Variants in SAMD5 observed in about 807,000 individuals in gnomAD.
The protein encoded by SAMD5 is sterile alpha motif domain-containing protein 5.
Under a neutral mutation model 11.3 loss-of-function variants are expected in SAMD5, and 13 were observed. The observed-to-expected ratio is 1.15, with a 90% confidence interval of 0.75 to 1.83. The LOEUF (loss-of-function observed/expected upper bound fraction) is 1.83, where lower values mean the gene tolerates loss of function less well. Among genes scored for constraint, SAMD5 ranks in the 40% most tolerant of loss-of-function variants. The probability of loss-of-function intolerance (pLI) is 0.00; values close to 1 mark genes in which losing one functional copy is unlikely to be tolerated. For missense variants in SAMD5, 255 were observed against 239.1 expected (o/e 1.07, Z -0.44); for synonymous variants, 129 against 111.3 (o/e 1.16, Z -1.00).
the SAMD5 span, among the ~76,000 whole-genome samples, chr6:147,816,280 CCA>C: frequency 4.9e-3 from 62 of 12,644 alleles, 10 homozygotes; most frequent in South Asian, 9.3e-3. Context: ...AACTCCGTCT[CCA>C]AAAAAAAAAA....
At chr6:147,919,929 CTTATT>C in the SAMD5 span, among the ~76,000 whole-genome samples, 1 of 152,188 alleles carries the variant, frequency 6.6e-6, no homozygotes, top group Admixed American at 6.5e-5. Context: ...CTGTCCAGTG[CTTATT>C]TTAGTATTAT....
At chr6:147,918,294 G>T in the SAMD5 span, among the ~76,000 whole-genome samples, 5 of 152,124 alleles carry the variant, frequency 3.3e-5, no homozygotes, top group African/African-American at 9.7e-5. Context: ...TTGTAAGCTG[G>T]ATTCCTAGGT....
At chr6:147,574,108 A>T (rs368600001), downstream of SAMD5, among the ~76,000 whole-genome samples, 1 of 151,050 alleles carries the variant, frequency 6.6e-6, no homozygotes, top group Non-Finnish European at 1.5e-5. Context: ...AGCCTGGGCG[A>T]TAGAGCGAGA....
At chr6:147,529,039 T>C (rs150243576) in intron 1 of SAMD5, among the ~76,000 whole-genome samples, 178 of 152,316 alleles carry the variant, frequency 1.2e-3, no homozygotes, top group African/African-American at 4.0e-3. Flanking sequence ...TAACAGTGTT[T>C]CCTCCTGCCT....
chr6:147,567,634 C>A lies in SAMD5; in HGVS notation c.*3178C>A. 1.0e-6 allele frequency: 1 copy of A among 984,634 alleles called. No homozygotes were observed. The highest frequency in any genetic ancestry group is 1.2e-6 in the Non-Finnish European group (1 of 829,222). 61.0% of individuals were successfully genotyped at this position (984,634 alleles called of 1,614,324 possible). ...CTCAGTGCTAGGCATGTAGCAGGTGCTGACTGCCTCTCTCCCTTCCCTTCT... is the reference window on the plus strand; with the variant it reads ...CTCAGTGCTAGGCATGTAGCAGGTGATGACTGCCTCTCTCCCTTCCCTTCT... On this transcript the variant is annotated 3_prime_UTR_variant, in exon 2 of 2. Coordinates refer to ENST00000367474, the MANE Select transcript of SAMD5 (RefSeq NM_001030060.3).
chr6:147,822,433 A>G, the SAMD5 span, among the ~76,000 whole-genome samples: 1 of 152,210 alleles, frequency 6.6e-6, no homozygotes, highest in South Asian at 2.1e-4. Context: ...ATTAAAAAAT[A>G]CCATATGTGG....
At chr6:147,658,748 T>G (rs1790605215) in intron 1 of SAMD5, among the ~76,000 whole-genome samples, 1 of 152,028 alleles carries the variant, frequency 6.6e-6, no homozygotes, top group Non-Finnish European at 1.5e-5. Context: ...GGGCTAAACA[T>G]GAATGGGGAT....
the SAMD5 span, among the ~76,000 whole-genome samples, chr6:147,855,673 C>G: frequency 6.6e-6 from 1 of 151,320 alleles, no homozygotes; most frequent in East Asian, 1.9e-4. Flanking sequence ...TAAGTTTGGA[C>G]CAAAAAAATA....
chr6:147,520,766 A>AT, intron 1 of SAMD5, among the ~76,000 whole-genome samples: 1 of 152,108 alleles, frequency 6.6e-6, no homozygotes, highest in East Asian at 1.9e-4. Flanking sequence ...AAGTGTATAT[A>AT]TTTTTGGTGT....
chr6:147,628,329 T>G (rs1790088711), intron 1 of SAMD5, among the ~76,000 whole-genome samples: 1 of 152,232 alleles, frequency 6.6e-6, no homozygotes. Context: ...AAGATAATTT[T>G]TTAATTTCTA....
intron 1 of SAMD5, among the ~76,000 whole-genome samples, chr6:147,718,997 T>C (rs1187971697): frequency 1.3e-5 from 2 of 152,182 alleles, no homozygotes; most frequent in African/African-American, 4.8e-5. Context: ...GGCCGAAGTG[T>C]CTCTTTTAAC....
the SAMD5 span, among the ~76,000 whole-genome samples, chr6:147,892,278 A>G: frequency 6.6e-6 from 1 of 152,192 alleles, no homozygotes; most frequent in East Asian, 1.9e-4. Context: ...TTTCACAGCT[A>G]TACCTCCTTC....
chr6:147,802,829 C>G, the SAMD5 span, among the ~76,000 whole-genome samples: 3 of 152,196 alleles, frequency 2.0e-5, no homozygotes, highest in Non-Finnish European at 4.4e-5. Context: ...CAAAGTTCTA[C>G]AGTGAGCAAT....
intron 1 of SAMD5, among the ~76,000 whole-genome samples, chr6:147,626,524 C>T (rs968988506): frequency 2.9e-4 from 44 of 151,674 alleles, no homozygotes; most frequent in Admixed American, 1.7e-3. Context: ...GATTTTTATG[C>T]CATTTAGATC....
chr6:147,667,072 A>G (rs747593101), intron 1 of SAMD5, among the ~76,000 whole-genome samples: 1 of 152,066 alleles, frequency 6.6e-6, no homozygotes, highest in African/African-American at 2.4e-5. Context: ...CCTGCTCTCC[A>G]TGAGCTGCAC....
chr6:147,783,131 A>G, the SAMD5 span, among the ~76,000 whole-genome samples: 1 of 152,206 alleles, frequency 6.6e-6, no homozygotes, highest in East Asian at 1.9e-4. Context: ...TTAAAACAAT[A>G]AGCATAGCAG....
the SAMD5 span, among the ~76,000 whole-genome samples, chr6:147,750,877 G>A: frequency 4.6e-5 from 7 of 152,150 alleles, no homozygotes; most frequent in African/African-American, 7.2e-5. Flanking sequence ...AGCTGAGATC[G>A]GGCCACTGCA....
chr6:147,886,982 G>A, the SAMD5 span, among the ~76,000 whole-genome samples: 3 of 152,162 alleles, frequency 2.0e-5, no homozygotes, highest in African/African-American at 7.2e-5. Flanking sequence ...CATCTTGATT[G>A]CAGCTAGTGG....
rs142329926 is a variant in SAMD5 at position 147,613,024 on chromosome 6, C to A, written c.162+103637C>A. ...GACCAGCCTTGCTAATATGGTGAAACCCTGTCTCTATTAAAAATACAAAAA... is the reference window on the plus strand; with the variant it reads ...GACCAGCCTTGCTAATATGGTGAAAACCTGTCTCTATTAAAAATACAAAAA... On this transcript the variant is annotated intron_variant, in intron 1 of 1. Transcript: ENST00000566741. 2.7e-3 allele frequency among the ~76,000 whole-genome samples: 406 copies of A among 152,160 alleles called. 4 individuals are homozygous for A. The highest frequency in any genetic ancestry group is 9.3e-3 in the African/African-American group (385 of 41,498).
Sources: allele counts gnomAD v4.1 joint callset (sites outside exome capture counted in the v4.1 genomes callset), GRCh38; gene constraint gnomAD v4.1.1; transcripts MANE v1.5; gene names NCBI Gene and HGNC (gene_info 2026-07-23, HGNC 2026-07-21).